The following GALNT2 variants were observed in gnomAD, a reference collection of about 807,000 sequenced individuals.
GALNT2 encodes UDP-GalNAc:polypeptide N-acetylgalactosaminyltransferase 2.
GALNT2 carries 31 observed loss-of-function variants against 81.4 expected under a neutral mutation model. That is an observed-to-expected ratio of 0.38 (90% CI 0.29 to 0.51). GALNT2 has a LOEUF of 0.51. Among genes scored for constraint, GALNT2 ranks in the 20% least tolerant of loss-of-function variants. The pLI is 0.87. For missense variants in GALNT2, 629 were observed against 765.7 expected, an observed-to-expected ratio of 0.82 and a Z score of 2.11; for synonymous variants, 303 against 287.4, an observed-to-expected ratio of 1.05 and a Z score of -0.55.
intron 1 of GALNT2, among the ~76,000 whole-genome samples, chr1:230,094,481 C>CA (rs961475983): frequency 5.3e-5 from 8 of 151,842 alleles, no homozygotes; most frequent in South Asian, 2.1e-4. Flanking sequence ...ACTAAAAATA[C>CA]AAAAAAATTA....
chr1:230,108,482 G>A (rs1221190018), intron 1 of GALNT2, among the ~76,000 whole-genome samples: 1 of 152,208 alleles, frequency 6.6e-6, no homozygotes, highest in Non-Finnish European at 1.5e-5. Flanking sequence ...GCTTTACCAA[G>A]ATGTGGCGCA....
chr1:230,146,339 C>G (rs1661916241), intron 1 of GALNT2, among the ~76,000 whole-genome samples: 2 of 152,184 alleles, frequency 1.3e-5, no homozygotes, highest in South Asian at 2.1e-4. Context: ...CTTATGTGTG[C>G]CTGGTCACCC....
In GALNT2 at chr1:230,091,982, A is replaced by T. The variant is rs1046170929; in HGVS notation, c.126+24576A>T. The T allele has an allele frequency of 2.0e-5, 3 of 152,312 alleles. No homozygotes were observed. In the East Asian group the frequency reaches 5.8e-4, roughly 29 times the overall value. 9.4% of individuals were successfully genotyped at this position (152,312 alleles called of 1,614,324 possible). A position where few individuals can be genotyped will look rare whatever the true frequency, so the allele number is the denominator to read the frequency against. On this transcript the variant is annotated intron_variant, in intron 1 of 15. Transcript: ENST00000366672. ...CCTTTTTCTACCCAGTTACCTGGTT[A>T]CTGACTTTCTACCCAGTTAACAATT...
chr1:230,085,329 C>A (rs1659866784), intron 1 of GALNT2, among the ~76,000 whole-genome samples: 1 of 152,062 alleles, frequency 6.6e-6, no homozygotes, highest in South Asian at 2.1e-4. Context: ...ACATCTGAGC[C>A]CCTATCCTGT....
At chr1:230,099,009 C>T (rs949732668) in intron 1 of GALNT2, among the ~76,000 whole-genome samples, 12 of 152,190 alleles carry the variant, frequency 7.9e-5, no homozygotes, top group African/African-American at 2.2e-4. Flanking sequence ...TGTTCCCGAT[C>T]GCGCGGAATC....
At chr1:230,094,100 C>T (rs550522039) in intron 1 of GALNT2, among the ~76,000 whole-genome samples, 2 of 151,758 alleles carry the variant, frequency 1.3e-5, no homozygotes, top group South Asian at 2.1e-4. Context: ...TGGGCTCAAG[C>T]AATCCTCCTG....
At chr1:230,259,288 G>C (rs1164829849) in intron 11 of GALNT2, among the ~76,000 whole-genome samples, 1 of 152,192 alleles carries the variant, frequency 6.6e-6, no homozygotes, top group African/African-American at 2.4e-5. Flanking sequence ...TGGGACCTAA[G>C]TCAAAGTACA....
chr1:230,109,578 A>G (rs889808722), intron 1 of GALNT2, among the ~76,000 whole-genome samples: 2 of 152,226 alleles, frequency 1.3e-5, no homozygotes, highest in Non-Finnish European at 2.9e-5. Flanking sequence ...ATGTAATCCC[A>G]GCACTTCGGG....
chr1:230,188,954 CAGA>C (rs1031197937), intron 2 of GALNT2, among the ~76,000 whole-genome samples: 6 of 151,654 alleles, frequency 4.0e-5, no homozygotes, highest in Non-Finnish European at 7.4e-5. Flanking sequence ...AGCCAGCTGG[CAGA>C]AGGACTGGCA....
At chr1:230,059,378 G>C (rs1658991111) in intron 1 of GALNT2, among the ~76,000 whole-genome samples, 1 of 152,148 alleles carries the variant, frequency 6.6e-6, no homozygotes, top group Non-Finnish European at 1.5e-5. Flanking sequence ...CAGTACTAGG[G>C]GCTGACAAAA....
chr1:230,060,724 C>G (rs544310990), intron 1 of GALNT2, among the ~76,000 whole-genome samples: 20 of 152,312 alleles, frequency 1.3e-4, no homozygotes, highest in Non-Finnish European at 2.8e-4. Context: ...CCACTCTTCC[C>G]TGAATGTCTA....
chr1:230,157,447 A>G (rs1295464924), intron 1 of GALNT2, among the ~76,000 whole-genome samples: 1 of 152,224 alleles, frequency 6.6e-6, no homozygotes, highest in African/African-American at 2.4e-5. Flanking sequence ...TATAAAGCTA[A>G]ACACATGTTC....
Position 230,262,646 on chromosome 1 carries a change from A to G in GALNT2, c.1210A>G (p.Arg404Gly). Residue 404 changes from arginine to glycine, a missense_variant, in exon 12 of 16, where the codon AGA (arginine) becomes GGA (glycine). By Grantham distance (125) the Arg-to-Gly change is moderately radical. Transcript: ENST00000366672. Reference sequence around the variant, plus strand: ...CTATTATGCAGCAGTGCCTTCTGCTAGAAACGTTCCTTATGGAAAGTAAGT... The same window carrying G: ...CTATTATGCAGCAGTGCCTTCTGCTGGAAACGTTCCTTATGGAAAGTAAGT... ...NFYYAAVPSA[R>G]NVPYGNIQSR... is the part of the protein sequence containing the mutation. The G allele has an allele frequency of 1.9e-6, 3 of 1,613,736 alleles. No homozygotes were observed. Among genetic ancestry groups the G allele is most frequent in the African/African-American group, 1.3e-5 (1 of 75,046 alleles).
chr1:230,146,908 G>T (rs925692410), intron 1 of GALNT2, among the ~76,000 whole-genome samples: 3 of 152,174 alleles, frequency 2.0e-5, no homozygotes, highest in Non-Finnish European at 2.9e-5. Flanking sequence ...TCCAGAGCTG[G>T]CTACCGCCTG....
chr1:230,123,834 C>G (rs1393378678), intron 1 of GALNT2, among the ~76,000 whole-genome samples: 1 of 152,222 alleles, frequency 6.6e-6, no homozygotes, highest in Admixed American at 6.5e-5. Flanking sequence ...GCTAGTCTCT[C>G]AGCATGCGTG....
rs543991774 is a variant in GALNT2 at position 230,162,259 on chromosome 1, G to A, written c.127-15959G>A. On this transcript the variant is annotated intron_variant, in intron 1 of 15. Transcript: ENST00000366672. ...TCCAACACATGCCGGGTTCTTCAGG[G>A]TGTTAGGATGAAGCTCCTGTATCTG... Among the ~76,000 whole-genome samples the A allele has an allele frequency of 2.0e-4, 31 of 152,262 alleles. No homozygotes were observed. In the South Asian group the frequency reaches 6.0e-3, roughly 30 times the overall value.
intron 1 of GALNT2, among the ~76,000 whole-genome samples, chr1:230,163,239 G>A (rs141136951): frequency 6.6e-5 from 10 of 152,348 alleles, no homozygotes; most frequent in Admixed American, 6.5e-4. Flanking sequence ...TGTGCAGTGA[G>A]GTGAGATCCA....
In GALNT2 at chr1:230,243,327, G is replaced by T. The variant is rs376870425; in HGVS notation, c.629G>T (p.Arg210Leu). 6.8e-6 allele frequency: 11 copies of T among 1,606,864 alleles called. No individual in the cohort carries two copies. The highest frequency in any genetic ancestry group is 1.1e-5 in the South Asian group (1 of 90,664). The change falls in exon 7 of 16, where the codon CGG becomes CTG. Residue 210 changes from arginine (R) to leucine (L), a missense_variant. By Grantham distance (102) the Arg-to-Leu change is moderately radical (BLOSUM62 -2). Coordinates refer to ENST00000366672, the MANE Select transcript of GALNT2 (RefSeq NM_004481.5). This position sits in a 1 kb window ranked among gnomAD's most constrained non-coding sequence, Gnocchi z 4.2. Reference sequence around the variant, plus strand: ...GCAGGCCTCATGCGCTCACGGGTTCGGGGGGCCGATGCTGCCCAAGCCAAG... The same window carrying T: ...GCAGGCCTCATGCGCTCACGGGTTCTGGGGGCCGATGCTGCCCAAGCCAAG... ...RREGLMRSRV[R>L]GADAAQAKVL...
chr1:230,151,345 G>A (rs1441367652), intron 1 of GALNT2, among the ~76,000 whole-genome samples: 1 of 152,150 alleles, frequency 6.6e-6, no homozygotes, highest in Non-Finnish European at 1.5e-5. Context: ...ACAGGGTGAT[G>A]GTAGAAGATG....
Sources: gnomAD v4.1 joint callset for allele counts (sites outside exome capture counted in the v4.1 genomes callset) on GRCh38, gnomAD v4.1.1 for gene constraint, Gnocchi (gnomAD v3.1) non-coding constraint, MANE v1.5 for transcripts, NCBI Gene and HGNC (gene_info 2026-07-23, HGNC 2026-07-21) for gene names.